Variants in MINDY3 observed in about 807,000 individuals in gnomAD.
MINDY3 encodes ubiquitin carboxyl-terminal hydrolase MINDY-3.
In MINDY3, 38 loss-of-function variants were observed where a neutral mutation model predicts 69.2. The ratio of observed to expected loss-of-function variants is 0.55; its 90% CI spans 0.42 to 0.72. The LOEUF is 0.72. Among genes scored for constraint, MINDY3 ranks in the 30% least tolerant of loss-of-function variants. The pLI is 0.00. For missense variants in MINDY3, 522 were observed against 519.0 expected, an observed-to-expected ratio of 1.01 and a Z score of -0.06; for synonymous variants, 192 against 180.1, an observed-to-expected ratio of 1.07 and a Z score of -0.53.
In MINDY3 at chr10:15,833,611, T is replaced by C. The variant is rs745870397; in HGVS notation, c.730+19A>G. 2 of 1,456,302 alleles carry C rather than the reference T, an allele frequency of 1.4e-6. No homozygotes were observed. Among genetic ancestry groups the C allele is most frequent in the East Asian group, 2.3e-5 (1 of 43,918 alleles). 90.2% of individuals were successfully genotyped at this position (1,456,302 alleles called of 1,614,324 possible). A position where few individuals can be genotyped will look rare whatever the true frequency, so the allele number is the denominator to read the frequency against. On this transcript the variant is annotated intron_variant, in intron 8 of 14. Coordinates refer to ENST00000277632, the MANE Select transcript of MINDY3 (RefSeq NM_024948.4). ...ATATTATTCATCAAAGAGAGCAACA[T>C]AACAAGGAATATACTTACTCATTCC...
In MINDY3 at chr10:15,782,074, C is replaced by T. The variant is rs188522968; in HGVS notation, c.1188+81G>A. 350 of 987,394 alleles carry T rather than the reference C, an allele frequency of 3.5e-4. 2 individuals are homozygous for T. In the East Asian group the frequency reaches 4.8e-3, roughly 13 times the overall value. The allele number at this position is 987,394 out of a possible 1,614,324, so 61.2% of individuals were successfully genotyped here. ...GGAATAATCTTAGGTAGCAATTGTA[C>T]GGGAATCGAACATTGTTACATACTC... On this transcript the variant is annotated intron_variant, in intron 14 of 14. Coordinates refer to ENST00000277632, the MANE Select transcript of MINDY3 (RefSeq NM_024948.4).
At chr10:15,817,189 C>G (rs1401788506) in intron 9 of MINDY3, 1 of 288,396 alleles carries the variant, frequency 3.5e-6, no homozygotes, top group Non-Finnish European at 6.4e-6. Flanking sequence ...CCCTAAGAGT[C>G]ATTCTCAGGT....
At chr10:15,853,001 G>A (rs754273732) in intron 1 of MINDY3, among the ~76,000 whole-genome samples, 5 of 152,068 alleles carry the variant, frequency 3.3e-5, no homozygotes, top group Non-Finnish European at 7.4e-5. Context: ...AGGGGAAGTC[G>A]TGTGTAGGTT....
chr10:15,788,282 TATTC>T (rs977306715), intron 12 of MINDY3, among the ~76,000 whole-genome samples: 15 of 152,268 alleles, frequency 9.9e-5, no homozygotes, highest in African/African-American at 2.4e-4. Flanking sequence ...TGAAAACAAT[TATTC>T]ATTTATTAAT....
chr10:15,848,641 A>AAAAAAAAAAAAAAAAAAG (rs1834033009), intron 1 of MINDY3, among the ~76,000 whole-genome samples: 1 of 134,270 alleles, frequency 7.4e-6, no homozygotes, highest in African/African-American at 2.8e-5. Context: ...CTCAAAAAAA[A>AAAAAAAAAAAAAAAAAAG]AAAAAAAAAA....
intron 9 of MINDY3, among the ~76,000 whole-genome samples, chr10:15,819,298 T>C (rs1419865393): frequency 6.6e-6 from 1 of 152,190 alleles, no homozygotes; most frequent in South Asian, 2.1e-4. Flanking sequence ...ATGTAAAATA[T>C]ACACAGAATT....
chr10:15,844,177 C>CAATAAACAAT (rs1833674890), intron 2 of MINDY3, among the ~76,000 whole-genome samples: 1 of 152,154 alleles, frequency 6.6e-6, no homozygotes, highest in South Asian at 2.1e-4. Context: ...AGCACAGTAC[C>CAATAAACAAT]TGGCACCAAT....
intron 10 of MINDY3, among the ~76,000 whole-genome samples, chr10:15,804,536 C>T (rs997044850): frequency 7.2e-5 from 11 of 152,122 alleles, no homozygotes; most frequent in African/African-American, 2.7e-4. Context: ...CATCAAAGAA[C>T]CTCCAAGAGC....
At chr10:15,806,244 T>C (rs781569745) in intron 10 of MINDY3, among the ~76,000 whole-genome samples, 24 of 152,130 alleles carry the variant, frequency 1.6e-4, no homozygotes, top group Non-Finnish European at 2.5e-4. Flanking sequence ...TATTTTCCTC[T>C]TGTGTCTTCC....
rs1837179119 is a variant in MINDY3 at position 15,788,766 on chromosome 10, A to G, written c.1028+481T>C. The G allele has an allele frequency of 2.0e-5, 3 of 152,802 alleles. No individual in the cohort carries two copies. The South Asian group carries it at 6.2e-4, about 31-fold the overall frequency. The allele number at this position is 152,802 out of a possible 1,614,324, so 9.5% of individuals were successfully genotyped here. On this transcript the variant is annotated intron_variant, in intron 12 of 14. Coordinates refer to ENST00000277632, the MANE Select transcript of MINDY3 (RefSeq NM_024948.4). ...AAATACTGAAAAACGATATGCCATA[A>G]TATATTGCAGCCATCCCTAAAAGTT...
intron 8 of MINDY3, among the ~76,000 whole-genome samples, 180 bp from the exon 9 acceptor site, chr10:15,821,906 CATTAG>C (rs1839794294): frequency 1.4e-5 from 2 of 146,912 alleles, no homozygotes; most frequent in African/African-American, 5.2e-5. Context: ...TATAAAATAC[CATTAG>C]ATCAGGTTTG....
Position 15,843,200 on chromosome 10 carries a change from C to A in MINDY3, c.235+12G>T. The A allele has an allele frequency of 6.2e-7, 1 of 1,608,284 alleles. No individual in the cohort carries two copies. The highest frequency in any genetic ancestry group is 2.2e-5 in the East Asian group (1 of 44,798). ...AGGAGGAAGCAAAAGTTTTAAAAGA[C>A]AGCTATCATACCTGAACAATCCCGC... is the stretch of plus-strand genomic sequence containing the variant. On this transcript the variant is annotated intron_variant, in intron 3 of 14. Coordinates refer to ENST00000277632, the MANE Select transcript of MINDY3 (RefSeq NM_024948.4).
chr10:15,781,820 CTCTT>C (rs1251751202), intron 14 of MINDY3, among the ~76,000 whole-genome samples: 1 of 152,036 alleles, frequency 6.6e-6, no homozygotes, highest in Admixed American at 6.6e-5. Flanking sequence ...TCACTGTTAC[CTCTT>C]TCTTCCTTTA....
chr10:15,826,649 AAC>A (rs1840104135), intron 8 of MINDY3, among the ~76,000 whole-genome samples: 1 of 152,216 alleles, frequency 6.6e-6, no homozygotes, highest in South Asian at 2.1e-4. Context: ...AACATCAGGA[AAC>A]ATGCTAATGA....
At chr10:15,815,722 T>C (rs1839309764) in intron 10 of MINDY3, among the ~76,000 whole-genome samples, 1 of 152,186 alleles carries the variant, frequency 6.6e-6, no homozygotes, top group South Asian at 2.1e-4. Flanking sequence ...AGCATTTAAT[T>C]TGTACTAGGC....
chr10:15,781,604 A>G (rs988500236), intron 14 of MINDY3, among the ~76,000 whole-genome samples: 4 of 152,190 alleles, frequency 2.6e-5, no homozygotes, highest in African/African-American at 9.6e-5. Context: ...GGGTAGGAGC[A>G]TGGTCTCTGA....
rs1383051860 is a variant in MINDY3, at chr10:15,796,182, TAAG to T, written c.883-13_883-11del. The stretch of plus-strand genomic sequence containing the variant: ...CAACTAAAGCCATATCCTGAAAAGA[TAAG>T]AAGCATGTTGTCAACCAGCTACAGT... On this transcript the variant is annotated splice_polypyrimidine_tract_variant and intron_variant, in intron 10 of 14. Coordinates refer to ENST00000277632, the MANE Select transcript of MINDY3 (RefSeq NM_024948.4). The T allele has an allele frequency of 6.2e-6, 10 of 1,610,644 alleles. No homozygotes were observed. The East Asian group carries it at 1.6e-4, about 25-fold the overall frequency.
At position 15,789,274 on chromosome 10, in the gene MINDY3, G is replaced by C. The variant is rs779492710; in HGVS notation, c.1001C>G (p.Ala334Gly). ...TTCAGGATCTGAAACAAGGTCCAAT[G>C]CTTTCATCACATCTTCCAGAAGTGA... Reference protein sequence around the residue: ...PDSLLEDVMKALDLVSDPEYI... With the variant: ...PDSLLEDVMKGLDLVSDPEYI... Residue 334 changes from alanine to glycine, a missense_variant, in exon 12 of 15, where the codon GCA becomes GGA. Coordinates refer to ENST00000277632, the MANE Select transcript of MINDY3 (RefSeq NM_024948.4). The C allele has an allele frequency of 1.2e-6, 2 of 1,611,356 alleles. No homozygotes were observed. Among genetic ancestry groups the C allele is most frequent in the Non-Finnish European group, 1.7e-6 (2 of 1,178,450 alleles).
intron 10 of MINDY3, among the ~76,000 whole-genome samples, chr10:15,802,190 G>A (rs1402793132): frequency 2.0e-5 from 3 of 151,922 alleles, no homozygotes; most frequent in African/African-American, 7.3e-5. Context: ...GACTATGCAG[G>A]GGGTTAGCAC....
Sources: allele counts gnomAD v4.1 joint callset (sites outside exome capture counted in the v4.1 genomes callset), GRCh38; gene constraint gnomAD v4.1.1; transcripts MANE v1.5; gene names NCBI Gene and HGNC (gene_info 2026-07-23, HGNC 2026-07-21).